CACNA2D1: variants seen among roughly 807,000 people sequenced by gnomAD.
The protein encoded by CACNA2D1 is calcium voltage-gated channel auxiliary subunit alpha2delta 1, also known as voltage-dependent calcium channel subunit alpha-2/delta-1.
CACNA2D1 carries 53 observed loss-of-function variants against 171.5 expected under a neutral mutation model. That is an observed-to-expected ratio of 0.31 (90% CI 0.25 to 0.39). The LOEUF (loss-of-function observed/expected upper bound fraction) is 0.39. CACNA2D1 is among the 10% of genes least tolerant of loss of function. The pLI is 1.00. For missense variants in CACNA2D1, 903 were observed against 1,299.8 expected (o/e 0.69, Z 4.69); for synonymous variants, 442 against 443.1 (o/e 1.00, Z 0.03).
intron 12 of CACNA2D1, chr7:82,023,762 T>C (rs915380071): frequency 2.6e-5 from 4 of 151,802 alleles, no homozygotes; most frequent in Non-Finnish European, 5.9e-5. Flanking sequence ...AGCAGATCTC[T>C]GGAGCTTATT....
Position 82,302,678 on chromosome 7 carries a change from A to G in CACNA2D1, c.294+32457T>C, listed in dbSNP as rs541794766. Among the ~76,000 whole-genome samples, 7 of 152,202 alleles carry G rather than the reference A, an allele frequency of 4.6e-5. No homozygotes were observed. The South Asian group carries it at 1.5e-3, about 32-fold the overall frequency. On this transcript the variant is annotated intron_variant, in intron 3 of 38. Coordinates refer to ENST00000356860, the MANE Select transcript of CACNA2D1 (RefSeq NM_000722.4). ...GTGAACCACCTGCCTCAGCTTCCCT[A>G]AGCGCTGGAAATACAGGCGTGAGCC...
intron 1 of CACNA2D1, among the ~76,000 whole-genome samples, chr7:82,397,786 G>A (rs956940091): frequency 2.0e-5 from 3 of 152,150 alleles, no homozygotes; most frequent in Non-Finnish European, 2.9e-5. Context: ...TTATAATCAT[G>A]AGACACAGAG....
chr7:82,408,245 A>C (rs1005318966), intron 1 of CACNA2D1, among the ~76,000 whole-genome samples: 2 of 151,784 alleles, frequency 1.3e-5, no homozygotes, highest in Non-Finnish European at 2.9e-5. Flanking sequence ...TTGGTCTCGA[A>C]CTCCTGACCT....
chr7:82,388,495 G>C (rs1483968950), intron 1 of CACNA2D1, among the ~76,000 whole-genome samples: 1 of 152,196 alleles, frequency 6.6e-6, no homozygotes, highest in Non-Finnish European at 1.5e-5. Context: ...GAAGGTCATA[G>C]TATCTCTGCT....
intron 14 of CACNA2D1, among the ~76,000 whole-genome samples, chr7:82,012,763 T>G (rs1799948967): frequency 6.6e-6 from 1 of 152,138 alleles, no homozygotes; most frequent in Non-Finnish European, 1.5e-5. Context: ...ATTTCAACAT[T>G]CAGTGTATTC....
At chr7:82,053,330 A>T (rs1224229672) in intron 10 of CACNA2D1, among the ~76,000 whole-genome samples, 4 of 152,044 alleles carry the variant, frequency 2.6e-5, no homozygotes, top group Non-Finnish European at 5.9e-5. Context: ...AACAAAAATA[A>T]TGAACACGTG....
At chr7:82,266,011 T>C (rs538813890) in intron 3 of CACNA2D1, among the ~76,000 whole-genome samples, 100 of 152,312 alleles carry the variant, frequency 6.6e-4, no homozygotes, top group Non-Finnish European at 1.2e-3. Flanking sequence ...AACTGTCTAT[T>C]TGATCTACAA....
At chr7:82,408,023 T>TA (rs1491239388) in intron 1 of CACNA2D1, among the ~76,000 whole-genome samples, 7 of 126,560 alleles carry the variant, frequency 5.5e-5, no homozygotes, top group Non-Finnish European at 8.4e-5. Context: ...TTGTACTTTC[T>TA]TTTTTTTTTT....
chr7:81,970,532 T>C lies in CACNA2D1; in HGVS notation c.2204+143A>G, dbSNP rs556849723. The C allele has an allele frequency of 9.1e-6, 6 of 661,574 alleles. No individual in the cohort carries two copies. The Admixed American group carries it at 1.2e-4, about 13-fold the overall frequency. 41.0% of individuals were successfully genotyped at this position (661,574 alleles called of 1,614,324 possible). ...TCAGAGAAATAAAATCTTTTAATAA[T>C]GTAAATACTGTAAACAATGGCTCCA... On this transcript the variant is annotated intron_variant, in intron 27 of 38. Transcript: ENST00000356860.
At chr7:82,153,892 AATG>A (rs1794099392) in intron 4 of CACNA2D1, among the ~76,000 whole-genome samples, 1 of 152,176 alleles carries the variant, frequency 6.6e-6, no homozygotes, top group East Asian at 1.9e-4. Context: ...TAAATATTTC[AATG>A]ATAATAGTTT....
At chr7:82,167,901 T>C (rs557954688) in intron 4 of CACNA2D1, among the ~76,000 whole-genome samples, 1 of 152,256 alleles carries the variant, frequency 6.6e-6, no homozygotes, top group African/African-American at 2.4e-5. Flanking sequence ...GAATTCCTAA[T>C]ACTTACTGGG....
At chr7:82,358,417 G>C (rs1820703015) in intron 1 of CACNA2D1, among the ~76,000 whole-genome samples, 1 of 152,196 alleles carries the variant, frequency 6.6e-6, no homozygotes, top group Non-Finnish European at 1.5e-5. Flanking sequence ...TGTCATGCCA[G>C]AAATGTTAGT....
chr7:82,115,623 CT>C (rs1458393568), intron 6 of CACNA2D1, among the ~76,000 whole-genome samples: 1 of 151,368 alleles, frequency 6.6e-6, no homozygotes, highest in East Asian at 1.9e-4. Flanking sequence ...AACAGTGGTA[CT>C]TTTAAAACAC....
At chr7:82,358,622 T>C (rs1470557087) in intron 1 of CACNA2D1, among the ~76,000 whole-genome samples, 1 of 152,040 alleles carries the variant, frequency 6.6e-6, no homozygotes, top group Non-Finnish European at 1.5e-5. Context: ...AAAAAGACTA[T>C]CACTAAACTC....
rs561125177 is a variant in CACNA2D1, at chr7:82,418,931, C to A, written c.95+24434G>T. Among the ~76,000 whole-genome samples the A allele has an allele frequency of 2.0e-5, 3 of 151,944 alleles. No homozygotes were observed. The South Asian group carries it at 6.2e-4, about 32-fold the overall frequency. On this transcript the variant is annotated intron_variant, in intron 1 of 38. Coordinates refer to ENST00000356860, the MANE Select transcript of CACNA2D1 (RefSeq NM_000722.4). Reference sequence around the variant, plus strand: ...CAGGAGATCGAGATCACGGTGAAACCCCGTCTCTACTAAAAATACAAAAAA... The same window carrying A: ...CAGGAGATCGAGATCACGGTGAAACACCGTCTCTACTAAAAATACAAAAAA...
intron 12 of CACNA2D1, among the ~76,000 whole-genome samples, chr7:82,019,738 A>T (rs1800957666): frequency 6.6e-6 from 1 of 152,172 alleles, no homozygotes; most frequent in Admixed American, 6.5e-5. Flanking sequence ...CACCTCAACA[A>T]TTATCAGTTA....
intron 4 of CACNA2D1, among the ~76,000 whole-genome samples, chr7:82,146,247 GAAGA>G (rs1584913744): frequency 6.6e-6 from 1 of 151,262 alleles, no homozygotes; most frequent in East Asian, 1.9e-4. Context: ...TACCTCCCTA[GAAGA>G]AAGAAACATT....
intron 1 of CACNA2D1, among the ~76,000 whole-genome samples, chr7:82,401,192 C>T (rs959072597): frequency 1.3e-5 from 2 of 152,168 alleles, no homozygotes; most frequent in African/African-American, 4.8e-5. Context: ...TTGACGAAGC[C>T]ATCCCATTAC....
chr7:82,191,973 G>T (rs1798342131), intron 3 of CACNA2D1, among the ~76,000 whole-genome samples: 1 of 151,762 alleles, frequency 6.6e-6, no homozygotes, highest in Admixed American at 6.6e-5. Flanking sequence ...ATCATGCAAA[G>T]AAATCTCACC....
Sources: gnomAD v4.1 joint callset for allele counts (sites outside exome capture counted in the v4.1 genomes callset) on GRCh38, gnomAD v4.1.1 for gene constraint, MANE v1.5 for transcripts, NCBI Gene and HGNC (gene_info 2026-07-23, HGNC 2026-07-21) for gene names.